ARHGAP31: variants seen among roughly 807,000 people sequenced by gnomAD.
The protein encoded by ARHGAP31 is rho GTPase-activating protein 31.
Under a neutral mutation model 113.9 loss-of-function variants are expected in ARHGAP31, and 34 were observed. That is an observed-to-expected ratio of 0.30 (90% CI 0.23 to 0.40). The LOEUF is 0.40. Among genes scored for constraint, ARHGAP31 ranks in the 10% least tolerant of loss-of-function variants. ARHGAP31 has a pLI of 1.00. For synonymous variants in ARHGAP31, 650 were observed against 684.8 expected (o/e 0.95, Z 0.79); for missense variants, 1,548 against 1,767.1 (o/e 0.88, Z 2.22).
At position 119,419,516 on chromosome 3, in the gene ARHGAP31, G is replaced by A. The variant is rs899929934; in HGVS notation, c.*3252G>A. ...TATTTATTGGGAGCTTAGTAATAGT[G>A]CACTGGGTACCTTAGCACTCCCAAA... On this transcript the variant is annotated 3_prime_UTR_variant, in exon 12 of 12. Transcript: ENST00000264245. 2.0e-5 allele frequency: 3 copies of A among 152,084 alleles called. No individual in the cohort carries two copies. The highest frequency in any genetic ancestry group is 7.2e-5 in the African/African-American group (3 of 41,408). The allele number at this position is 152,084 out of a possible 1,614,324, so 9.4% of individuals were successfully genotyped here.
chr3:119,365,087 C>T (rs1478218124), intron 1 of ARHGAP31, among the ~76,000 whole-genome samples: 3 of 151,866 alleles, frequency 2.0e-5, no homozygotes, highest in Non-Finnish European at 2.9e-5. Context: ...GAGCAAGTCT[C>T]AAAAGCAAAA....
At chr3:119,335,082 G>GGA (rs2079931017) in intron 1 of ARHGAP31, among the ~76,000 whole-genome samples, 2 of 148,724 alleles carry the variant, frequency 1.3e-5, no homozygotes, top group Admixed American at 6.7e-5. Context: ...TTTCCCATGG[G>GGA]AAAAAAAAAA....
chr3:119,357,294 G>C lies in ARHGAP31; in HGVS notation c.101-8022G>C, dbSNP rs144000673. Among the ~76,000 whole-genome samples the C allele has an allele frequency of 7.6e-4, 115 of 152,286 alleles. 1 individual carries two copies. Among genetic ancestry groups the C allele is most frequent in the East Asian group, 6.9e-3 (36 of 5,184 alleles). Reference sequence around the variant, plus strand: ...GATAAGCAGGAGGAGTTTCTCAGTGGAGAAGAGGCAATGGGCTCAGACGAG... The same window carrying C: ...GATAAGCAGGAGGAGTTTCTCAGTGCAGAAGAGGCAATGGGCTCAGACGAG... On this transcript the variant is annotated intron_variant, in intron 1 of 11. Transcript: ENST00000264245.
In ARHGAP31 at chr3:119,294,763, C is replaced by G; in HGVS notation, c.-142C>G. ...GGCCCGCGGGGTCCATGCGCAGGGC[C>G]CCCAGCCCAAGTTCTTCCATCTTCC... On this transcript the variant is annotated 5_prime_UTR_variant, in exon 1 of 12. Transcript: ENST00000264245. 1 of 797,604 alleles carries G rather than the reference C, an allele frequency of 1.3e-6. No individual in the cohort carries two copies. Among genetic ancestry groups the G allele is most frequent in the South Asian group, 1.4e-5 (1 of 69,048 alleles). The allele number at this position is 797,604 out of a possible 1,614,324, so 49.4% of individuals were successfully genotyped here. A position where few individuals can be genotyped will look rare whatever the true frequency, so the allele number is the denominator to read the frequency against.
rs184477873 is a variant in ARHGAP31, at chr3:119,337,515, G to A, written c.101-27801G>A. On this transcript the variant is annotated intron_variant, in intron 1 of 11. Coordinates refer to ENST00000264245, the MANE Select transcript of ARHGAP31 (RefSeq NM_020754.4). ...TCCACAATACTGACGGGACCCAAAT[G>A]ATTTGCCACTGTGGGTGCCAGTGGC... Among the ~76,000 whole-genome samples, 809 of 152,308 alleles carry A rather than the reference G, an allele frequency of 5.3e-3. 21 individuals carry two copies. The highest frequency in any genetic ancestry group is 0.041 in the Admixed American group (634 of 15,300).
chr3:119,415,706 G>A lies in ARHGAP31; in HGVS notation c.3777G>A (p.Lys1259=). 1 of 1,614,054 alleles carries A rather than the reference G, an allele frequency of 6.2e-7. No individual in the cohort carries two copies. Among genetic ancestry groups the A allele is most frequent in the South Asian group, 1.1e-5 (1 of 91,056 alleles). ...DDSPSSLESS[K]EEKPKQDPGA... ...CTCCCTCCTCCCTGGAAAGCTCAAA[G>A]GAAGAAAAACCAAAGCAAGATCCCG... is the stretch of plus-strand genomic sequence containing the variant. The change falls in exon 12 of 12, where the codon AAG becomes AAA. Residue 1259 remains lysine, a synonymous_variant. Transcript: ENST00000264245.
chr3:119,381,220 G>A (rs2080394170), intron 4 of ARHGAP31, among the ~76,000 whole-genome samples: 1 of 152,150 alleles, frequency 6.6e-6, no homozygotes, highest in Non-Finnish European at 1.5e-5. Flanking sequence ...ACACCCCTCA[G>A]AATCTCTCAG....
intron 1 of ARHGAP31, among the ~76,000 whole-genome samples, chr3:119,334,472 T>C (rs967991603): frequency 2.6e-5 from 4 of 152,222 alleles, no homozygotes; most frequent in African/African-American, 9.6e-5. Context: ...TTCCCTGTGA[T>C]TAGGGAGCTT....
At chr3:119,350,238 AG>A (rs1194009232) in intron 1 of ARHGAP31, among the ~76,000 whole-genome samples, 1 of 152,166 alleles carries the variant, frequency 6.6e-6, no homozygotes, top group Non-Finnish European at 1.5e-5. Context: ...AAGCGCTGGG[AG>A]GCCTCAGTAC....
intron 9 of ARHGAP31, among the ~76,000 whole-genome samples, chr3:119,399,986 AG>A (rs1309908744): frequency 6.6e-6 from 1 of 152,232 alleles, no homozygotes; most frequent in African/African-American, 2.4e-5. Context: ...ACAAATTACA[AG>A]GCAAAGGACT....
chr3:119,346,106 A>C (rs888212564), intron 1 of ARHGAP31, among the ~76,000 whole-genome samples: 2 of 152,062 alleles, frequency 1.3e-5, no homozygotes, highest in Non-Finnish European at 2.9e-5. Context: ...CCATCTCCTT[A>C]ACCAGCTCAG....
chr3:119,338,823 C>T (rs2079982015), intron 1 of ARHGAP31, among the ~76,000 whole-genome samples: 1 of 152,152 alleles, frequency 6.6e-6, no homozygotes, highest in Admixed American at 6.5e-5. Flanking sequence ...TAAAAATCAC[C>T]TGTTCCAGAT....
At chr3:119,349,682 T>C (rs1192501765) in intron 1 of ARHGAP31, among the ~76,000 whole-genome samples, 1 of 152,256 alleles carries the variant, frequency 6.6e-6, no homozygotes, top group Admixed American at 6.5e-5. Flanking sequence ...AACAATGGGC[T>C]GTCCCTCCTC....
At position 119,399,213 on chromosome 3, in the gene ARHGAP31, A is replaced by C. The variant is rs1577029224; in HGVS notation, c.1021A>C (p.Ile341Leu). The C allele has an allele frequency of 6.2e-7, 1 of 1,613,718 alleles. No individual in the cohort carries two copies. The highest frequency in any genetic ancestry group is 2.2e-5 in the East Asian group (1 of 44,888). The change falls in exon 9 of 12, where the codon ATC (isoleucine) becomes CTC (leucine). Residue 341 changes from isoleucine (I) to leucine (L), a missense_variant. By Grantham distance (5) the Ile-to-Leu change is conservative (BLOSUM62 2). Transcript: ENST00000264245. ...GQRLSVEKAT[I>L]RPAKSMDSLC... is the part of the protein sequence containing the mutation. ...TTTGTCTTTAGTGGAAAAGGCTACT[A>C]TCCGACCAGCTAAAAGCATGGACTC...
chr3:119,324,393 C>G (rs545248154), intron 1 of ARHGAP31, among the ~76,000 whole-genome samples: 5 of 152,176 alleles, frequency 3.3e-5, no homozygotes, highest in Non-Finnish European at 7.3e-5. Context: ...AGACTATATG[C>G]TTCATAGTTT....
chr3:119,381,241 C>T (rs1274901209), intron 4 of ARHGAP31, among the ~76,000 whole-genome samples: 2 of 152,124 alleles, frequency 1.3e-5, no homozygotes, highest in Admixed American at 1.3e-4. Flanking sequence ...GAAGTCATTC[C>T]AGTGATGCAT....
intron 8 of ARHGAP31, among the ~76,000 whole-genome samples, chr3:119,396,286 G>A (rs1356557887): frequency 2.0e-5 from 3 of 152,176 alleles, no homozygotes; most frequent in Non-Finnish European, 4.4e-5. Context: ...AAGTTCTGTG[G>A]TGAGGTCTGA....
chr3:119,347,102 C>T (rs2080066518), intron 1 of ARHGAP31, among the ~76,000 whole-genome samples: 1 of 151,896 alleles, frequency 6.6e-6, no homozygotes, highest in Non-Finnish European at 1.5e-5. Context: ...TTTGTCATCC[C>T]TTCAAAGGCT....
At chr3:119,343,689 A>G (rs1038771628) in intron 1 of ARHGAP31, among the ~76,000 whole-genome samples, 5 of 152,192 alleles carry the variant, frequency 3.3e-5, no homozygotes, top group African/African-American at 1.2e-4. Context: ...AAAGACACCT[A>G]TGGGAAGGGA....
Sources: gnomAD v4.1 joint callset for allele counts (sites outside exome capture counted in the v4.1 genomes callset) on GRCh38, gnomAD v4.1.1 for gene constraint, MANE v1.5 for transcripts, NCBI Gene and HGNC (gene_info 2026-07-23, HGNC 2026-07-21) for gene names.